Variants in COLEC10 observed in about 807,000 individuals in gnomAD.
COLEC10 encodes collectin subfamily member 10.
A neutral mutation model predicts 28.4 loss-of-function variants in COLEC10; 22 were observed. The ratio of observed to expected loss-of-function variants is 0.78; its 90% CI spans 0.55 to 1.11. The LOEUF (loss-of-function observed/expected upper bound fraction) is 1.11, where lower values mean the gene tolerates loss of function less well. Among genes scored for constraint, COLEC10 ranks in the 50% least tolerant of loss-of-function variants. The pLI, the probability that COLEC10 is intolerant of heterozygous loss-of-function variation, is 0.00. For synonymous variants in COLEC10, 125 were observed against 116.1 expected, an observed-to-expected ratio of 1.08 and a Z score of -0.49; for missense variants, 361 against 344.1, an observed-to-expected ratio of 1.05 and a Z score of -0.39.
intron 2 of COLEC10, among the ~76,000 whole-genome samples, chr8:119,058,387 A>G (rs1563730001): frequency 6.6e-6 from 1 of 152,016 alleles, no homozygotes; most frequent in African/African-American, 2.4e-5. Context: ...CCATCACTTC[A>G]ACAGTCCCAT....
At chr8:118,969,693 C>CT in the COLEC10 span, among the ~76,000 whole-genome samples, 1,953 of 139,396 alleles carry the variant, frequency 0.014, 50 homozygotes, top group African/African-American at 0.045. Flanking sequence ...TTCTTTCTTT[C>CT]TTTTTTTTTT....
intron 2 of COLEC10, among the ~76,000 whole-genome samples, chr8:119,029,499 GACAC>G (rs60749575): frequency 7.9e-5 from 12 of 151,910 alleles, no homozygotes; most frequent in African/African-American, 2.7e-4. Flanking sequence ...ATTATATACA[GACAC>G]ACACACACAC....
At chr8:119,020,893 C>T (rs1481138520) in intron 2 of COLEC10, among the ~76,000 whole-genome samples, 1 of 152,054 alleles carries the variant, frequency 6.6e-6, no homozygotes, top group Admixed American at 6.6e-5. Context: ...ATGTTAGAAT[C>T]ATTAAAAATA....
chr8:119,070,072 A>G (rs1587038945), intron 1 of COLEC10, among the ~76,000 whole-genome samples: 1 of 152,160 alleles, frequency 6.6e-6, no homozygotes, highest in African/African-American at 2.4e-5. Flanking sequence ...CAATATACAG[A>G]TATTATTTTT....
At chr8:119,073,329 T>C (rs1455161403) in intron 1 of COLEC10, among the ~76,000 whole-genome samples, 1 of 152,210 alleles carries the variant, frequency 6.6e-6, no homozygotes, top group Non-Finnish European at 1.5e-5. Flanking sequence ...AAGTTAACAT[T>C]AGAAAAGGAG....
intron 2 of COLEC10, among the ~76,000 whole-genome samples, chr8:119,056,901 C>A (rs1814771488): frequency 6.6e-6 from 1 of 152,010 alleles, no homozygotes; most frequent in Admixed American, 6.6e-5. Flanking sequence ...AAGTTCCAAC[C>A]TCTATGCTCA....
chr8:119,070,898 G>A (rs902744571), intron 1 of COLEC10, among the ~76,000 whole-genome samples: 2 of 152,016 alleles, frequency 1.3e-5, no homozygotes, highest in Admixed American at 1.3e-4. Flanking sequence ...ATTTCCCTAT[G>A]TGGTACCAAT....
the COLEC10 span, among the ~76,000 whole-genome samples, chr8:118,981,576 A>G: frequency 3.2e-4 from 49 of 152,248 alleles, no homozygotes; most frequent in African/African-American, 1.1e-3. Context: ...CAAATATTCT[A>G]TAAATTTATC....
chr8:119,099,238 C>G (rs1028415435), intron 3 of COLEC10, among the ~76,000 whole-genome samples: 7 of 151,914 alleles, frequency 4.6e-5, no homozygotes, highest in African/African-American at 1.4e-4. Context: ...GACTTTAAAT[C>G]ATAATTTGTT....
chr8:119,002,162 A>AT (rs1465712015), intron 1 of COLEC10, among the ~76,000 whole-genome samples: 5 of 152,116 alleles, frequency 3.3e-5, no homozygotes, highest in African/African-American at 1.2e-4. Flanking sequence ...TGTGTATATA[A>AT]TTTTTAGTGT....
chr8:119,011,352 G>A (rs1813897588), intron 2 of COLEC10, among the ~76,000 whole-genome samples: 1 of 150,768 alleles, frequency 6.6e-6, no homozygotes, highest in Non-Finnish European at 1.5e-5. Flanking sequence ...CTATTCTTTT[G>A]CCAGCACTAC....
chr8:119,063,073 A>G (rs1814887515), upstream of COLEC10: 1 of 152,196 alleles, frequency 6.6e-6, no homozygotes, highest in Non-Finnish European at 1.5e-5. Context: ...TTAACTAGTA[A>G]AATACTTCTG....
upstream of COLEC10, chr8:119,063,002 A>G (rs1347806775): frequency 6.6e-6 from 1 of 152,248 alleles, no homozygotes; most frequent in Non-Finnish European, 1.5e-5. Flanking sequence ...AAGTTGAGTT[A>G]TATCAATTTG....
the COLEC10 span, among the ~76,000 whole-genome samples, chr8:118,984,979 C>A: frequency 6.6e-6 from 1 of 151,960 alleles, no homozygotes; most frequent in African/African-American, 2.4e-5. Flanking sequence ...GAGAACAGCA[C>A]GGGAACGACC....
rs141752472 is a variant in COLEC10, at chr8:119,048,308, G to A, written n.235+38755G>A. ...AATCTACAGCTCCATCCATGTTGCC[G>A]CACAGGACATAATTTTATTCTTTTT... On this transcript the variant is annotated intron_variant and non_coding_transcript_variant, in intron 2 of 6. Coordinates refer to the COLEC10 transcript ENST00000521788. Among the ~76,000 whole-genome samples the A allele has an allele frequency of 1.3e-3, 198 of 152,268 alleles. 1 individual carries two copies. The highest frequency in any genetic ancestry group is 4.2e-3 in the African/African-American group (175 of 41,552).
the COLEC10 span, among the ~76,000 whole-genome samples, chr8:118,978,750 T>C: frequency 6.6e-6 from 1 of 152,032 alleles, no homozygotes; most frequent in Non-Finnish European, 1.5e-5. Flanking sequence ...CAGTGTTAAA[T>C]TGCTTCTGAA....
rs554790791 is a variant in COLEC10 at position 119,053,826 on chromosome 8, C to T, written n.236-35854C>T. Among the ~76,000 whole-genome samples the T allele has an allele frequency of 1.1e-3, 169 of 152,086 alleles. 2 individuals carry two copies. Among genetic ancestry groups the T allele is most frequent in the Non-Finnish European group, 6.0e-4 (41 of 67,952 alleles). On this transcript the variant is annotated intron_variant and non_coding_transcript_variant, in intron 2 of 6. Coordinates refer to the COLEC10 transcript ENST00000521788. ...TTTACAGTATTCCCTTCTTTATCCA[C>T]GGGGGATACATTCCAATTGGATACT... is the stretch of plus-strand genomic sequence containing the variant.
At chr8:119,078,428 G>A (rs550521691) in intron 1 of COLEC10, among the ~76,000 whole-genome samples, 2 of 152,108 alleles carry the variant, frequency 1.3e-5, no homozygotes, top group Non-Finnish European at 2.9e-5. Flanking sequence ...GATATGAGAA[G>A]GTCTTAGTGG....
chr8:119,023,933 A>G (rs1018555127), intron 2 of COLEC10, among the ~76,000 whole-genome samples: 8 of 152,194 alleles, frequency 5.3e-5, no homozygotes, highest in Non-Finnish European at 1.0e-4. Flanking sequence ...GTCCAGAGAC[A>G]GGCACTGCAA....
Sources: allele counts gnomAD v4.1 joint callset (sites outside exome capture counted in the v4.1 genomes callset), GRCh38; gene constraint gnomAD v4.1.1; transcripts MANE v1.5; gene names NCBI Gene and HGNC (gene_info 2026-07-23, HGNC 2026-07-21).